CELF4: variants seen among roughly 807,000 people sequenced by gnomAD.
CELF4 encodes the protein CUG-BP- and ETR-3-like factor 4.
CELF4 carries 18 observed loss-of-function variants against 59.9 expected under a neutral mutation model. The observed-to-expected ratio is 0.30, with a 90% CI of 0.21 to 0.45. The LOEUF is 0.45. Among genes scored for constraint, CELF4 ranks in the 20% least tolerant of loss-of-function variants. The pLI, the probability that CELF4 is intolerant of heterozygous loss-of-function variation, is 1.00. For synonymous variants in CELF4, 261 were observed against 267.1 expected, an observed-to-expected ratio of 0.98 and a Z score of 0.22; for missense variants, 456 against 689.0, an observed-to-expected ratio of 0.66 and a Z score of 3.79.
intron 2 of CELF4, among the ~76,000 whole-genome samples, chr18:37,380,328 C>CTGAGT (rs2099021984): frequency 1.3e-5 from 2 of 152,160 alleles, no homozygotes; most frequent in Non-Finnish European, 2.9e-5. Flanking sequence ...CTCTCCTATG[C>CTGAGT]CTCAGGTTGA....
chr18:37,353,087 GGC>G (rs2098481577), intron 2 of CELF4, among the ~76,000 whole-genome samples: 2 of 151,860 alleles, frequency 1.3e-5, no homozygotes, highest in African/African-American at 4.8e-5. Context: ...CGGGTGTGAT[GGC>G]ACGTGCCTGC....
intron 1 of CELF4, among the ~76,000 whole-genome samples, chr18:37,564,154 A>G (rs2154606406): frequency 6.6e-6 from 1 of 152,276 alleles, no homozygotes; most frequent in South Asian, 2.1e-4. Context: ...CGGAACATCC[A>G]TACACATCCC....
In CELF4 at chr18:37,495,732, G is replaced by C. The variant is rs183426397; in HGVS notation, c.287-10125C>G. Among the ~76,000 whole-genome samples the C allele has an allele frequency of 2.8e-3, 427 of 151,952 alleles. 8 individuals carry two copies. The highest frequency in any genetic ancestry group is 3.6e-3 in the Non-Finnish European group (243 of 67,960). Reference sequence around the variant, plus strand: ...CCTTCCCCATGCAGAAGGAAGCTCAGAGGACTCTGTCCTTAGGCTGCCTCT... The same window carrying C: ...CCTTCCCCATGCAGAAGGAAGCTCACAGGACTCTGTCCTTAGGCTGCCTCT... On this transcript the variant is annotated intron_variant, in intron 1 of 12. Transcript: ENST00000420428.
intron 1 of CELF4, among the ~76,000 whole-genome samples, chr18:37,532,520 T>C (rs2099970377): frequency 6.6e-6 from 1 of 152,080 alleles, no homozygotes; most frequent in Admixed American, 6.5e-5. Flanking sequence ...GAAATGATGA[T>C]AGCCTCTTTG....
At chr18:37,496,543 A>G (rs2099925389) in intron 1 of CELF4, among the ~76,000 whole-genome samples, 2 of 152,316 alleles carry the variant, frequency 1.3e-5, no homozygotes, top group South Asian at 4.1e-4. Context: ...TTTTTTTTAA[A>G]AAAGAAGCAC....
intron 1 of CELF4, among the ~76,000 whole-genome samples, chr18:37,563,491 G>C (rs1266389404): frequency 6.6e-6 from 1 of 152,124 alleles, no homozygotes; most frequent in East Asian, 1.9e-4. Context: ...AATAACAAAG[G>C]TTTGATACAA....
intron 2 of CELF4, among the ~76,000 whole-genome samples, chr18:37,357,324 C>T: frequency 6.6e-6 from 1 of 152,230 alleles, no homozygotes; most frequent in East Asian, 1.9e-4. Flanking sequence ...CAGCGTAGAG[C>T]TCGGGCTGTG....
chr18:37,478,442 G>A (rs894968367), intron 2 of CELF4, among the ~76,000 whole-genome samples: 4 of 152,366 alleles, frequency 2.6e-5, no homozygotes, highest in Admixed American at 2.6e-4. Flanking sequence ...GCCTTTCTGG[G>A]CACAGCCCAT....
chr18:37,557,255 T>C (rs1052906206), intron 1 of CELF4, among the ~76,000 whole-genome samples: 1 of 152,232 alleles, frequency 6.6e-6, no homozygotes, highest in African/African-American at 2.4e-5. Context: ...CCCCCTTTTG[T>C]GTTTCTATAA....
chr18:37,397,634 C>T (rs1015668826), intron 2 of CELF4, among the ~76,000 whole-genome samples: 1 of 152,236 alleles, frequency 6.6e-6, no homozygotes, highest in Non-Finnish European at 1.5e-5. Context: ...AGTCATGCTG[C>T]CCAGAAACCA....
intron 1 of CELF4, among the ~76,000 whole-genome samples, chr18:37,490,261 AG>A (rs1212758744): frequency 1.3e-5 from 2 of 152,132 alleles, no homozygotes; most frequent in East Asian, 3.9e-4. Flanking sequence ...AACTGAAAAC[AG>A]GGAGTACGGG....
chr18:37,266,434 A>G, intron 9 of CELF4, 99 bp downstream of exon 9: 1 of 1,166,610 alleles, frequency 8.6e-7, no homozygotes, highest in Admixed American at 2.0e-5. Flanking sequence ...TCCCCACCCC[A>G]TGCAGTGCTG....
chr18:37,522,516 C>A (rs561010690), intron 1 of CELF4, among the ~76,000 whole-genome samples: 7 of 151,926 alleles, frequency 4.6e-5, no homozygotes, highest in Admixed American at 3.9e-4. Context: ...TGTGTGTGAG[C>A]GCGCACACAC....
intron 3 of CELF4, among the ~76,000 whole-genome samples, chr18:37,295,193 A>G (rs536268826): frequency 6.6e-6 from 1 of 152,208 alleles, no homozygotes; most frequent in East Asian, 1.9e-4. Context: ...GGCTTGTCCC[A>G]GATCCCTGCC....
intron 2 of CELF4, among the ~76,000 whole-genome samples, chr18:37,414,189 T>TTTA (rs2099501855): frequency 7.1e-6 from 1 of 141,688 alleles, no homozygotes; most frequent in Admixed American, 7.5e-5. Context: ...TTTCCATTCA[T>TTTA]TCATCTATCT....
intron 2 of CELF4, among the ~76,000 whole-genome samples, chr18:37,399,209 A>G (rs1168348630): frequency 6.6e-6 from 1 of 152,004 alleles, no homozygotes; most frequent in African/African-American, 2.4e-5. Context: ...ATATTAAGGG[A>G]TGGGACATTT....
At chr18:37,460,989 A>G (rs2099791819) in intron 2 of CELF4, among the ~76,000 whole-genome samples, 1 of 152,242 alleles carries the variant, frequency 6.6e-6, no homozygotes, top group South Asian at 2.1e-4. Context: ...AATGCCATAC[A>G]ATACATCACA....
intron 1 of CELF4, among the ~76,000 whole-genome samples, chr18:37,504,091 C>G (rs972070931): frequency 6.6e-6 from 1 of 152,154 alleles, no homozygotes; most frequent in Admixed American, 6.5e-5. Context: ...CACAGCTAAG[C>G]CACTTTTCTT....
chr18:37,259,987 A>C (rs1445485480), intron 10 of CELF4, among the ~76,000 whole-genome samples: 1 of 152,242 alleles, frequency 6.6e-6, no homozygotes, highest in Admixed American at 6.5e-5. Context: ...CTGCGACTTC[A>C]GCAGCACAAA....
Sources: allele counts gnomAD v4.1 joint callset (sites outside exome capture counted in the v4.1 genomes callset), GRCh38; gene constraint gnomAD v4.1.1; transcripts MANE v1.5; gene names NCBI Gene and HGNC (gene_info 2026-07-23, HGNC 2026-07-21).